The following HDAC9 variants were observed in gnomAD, a reference collection of about 807,000 sequenced individuals.
HDAC9 encodes MEF-2 interacting transcription repressor (MITR) protein.
HDAC9 carries 41 observed loss-of-function variants against 139.4 expected under a neutral mutation model. That is an observed-to-expected ratio of 0.29 (90% CI 0.23 to 0.38). The LOEUF (loss-of-function observed/expected upper bound fraction) is 0.38. Ranked by LOEUF, HDAC9 falls within the 10% of genes least tolerant of loss-of-function variation. The pLI, the probability that HDAC9 is intolerant of heterozygous loss-of-function variation, is 1.00. For synonymous variants in HDAC9, 517 were observed against 476.2 expected (o/e 1.09, Z -1.12); for missense variants, 1,147 against 1,297.0 (o/e 0.88, Z 1.78).
At chr7:18,962,128 A>C (rs1410128149) in intron 24 of HDAC9, among the ~76,000 whole-genome samples, 1 of 152,152 alleles carries the variant, frequency 6.6e-6, no homozygotes, top group African/African-American at 2.4e-5. Flanking sequence ...TAATCAGAAA[A>C]AAATGCAAGG....
intron 2 of HDAC9, among the ~76,000 whole-genome samples, chr7:18,252,258 A>T (rs527389546): frequency 6.6e-6 from 1 of 152,182 alleles, no homozygotes; most frequent in Non-Finnish European, 1.5e-5. Flanking sequence ...GCAGGAGTCA[A>T]TGTGGCCACT....
At chr7:18,875,878 T>G (rs963255069) in intron 22 of HDAC9, among the ~76,000 whole-genome samples, 6 of 152,186 alleles carry the variant, frequency 3.9e-5, no homozygotes, top group Admixed American at 3.9e-4. Context: ...AGTTTGTACA[T>G]CAAGTTGAGA....
At chr7:18,173,519 A>C (rs897829384) in intron 2 of HDAC9, among the ~76,000 whole-genome samples, 5 of 152,092 alleles carry the variant, frequency 3.3e-5, no homozygotes, top group Admixed American at 1.3e-4. Context: ...TTATTTTGCC[A>C]GTTAGTTGAT....
intron 6 of HDAC9, among the ~76,000 whole-genome samples, chr7:18,609,634 A>G (rs1288689666): frequency 2.0e-5 from 3 of 152,010 alleles, no homozygotes; most frequent in African/African-American, 7.2e-5. Context: ...TTAAATATAT[A>G]TATATTTTTA....
chr7:18,444,940 C>T (rs753740490), intron 1 of HDAC9, among the ~76,000 whole-genome samples: 1 of 152,140 alleles, frequency 6.6e-6, no homozygotes, highest in Non-Finnish European at 1.5e-5. Context: ...CATTTAGTGA[C>T]TAAATTTCCC....
At chr7:18,853,197 CAG>C (rs779995428) in intron 21 of HDAC9, among the ~76,000 whole-genome samples, 1 of 151,882 alleles carries the variant, frequency 6.6e-6, no homozygotes, top group Non-Finnish European at 1.5e-5. Flanking sequence ...TGAAATGAAA[CAG>C]AAAAAATACC....
chr7:18,189,057 A>G (rs1368909011), intron 2 of HDAC9, among the ~76,000 whole-genome samples: 1 of 152,212 alleles, frequency 6.6e-6, no homozygotes, highest in African/African-American at 2.4e-5. Context: ...TGTTTATTGC[A>G]GCACTATTTA....
chr7:18,741,082 G>T (rs959066955), intron 13 of HDAC9, among the ~76,000 whole-genome samples: 9 of 152,182 alleles, frequency 5.9e-5, no homozygotes, highest in African/African-American at 1.9e-4. Flanking sequence ...AAAGTGGAAG[G>T]TAAAGCAGCA....
At chr7:18,720,963 G>A (rs1284098708) in intron 12 of HDAC9, among the ~76,000 whole-genome samples, 1 of 152,022 alleles carries the variant, frequency 6.6e-6, no homozygotes, top group Non-Finnish European at 1.5e-5. Flanking sequence ...TATAGTGTGA[G>A]CCGCTGTGCC....
At chr7:18,569,323 T>G (rs1049284714) in intron 2 of HDAC9, among the ~76,000 whole-genome samples, 2 of 152,200 alleles carry the variant, frequency 1.3e-5, no homozygotes, top group African/African-American at 4.8e-5. Context: ...CTTTAAAAAA[T>G]TGTTTTCCCA....
At chr7:18,139,121 CT>C (rs552350047) in intron 1 of HDAC9, among the ~76,000 whole-genome samples, 13,657 of 105,590 alleles carry the variant, frequency 0.13, 234 homozygotes, top group South Asian at 0.21. Flanking sequence ...ATAATCTGGA[CT>C]TTTTTTTTTT....
chr7:18,664,377 GACTT>G (rs1794171474), intron 11 of HDAC9, among the ~76,000 whole-genome samples: 2 of 152,030 alleles, frequency 1.3e-5, no homozygotes, highest in African/African-American at 4.8e-5. Flanking sequence ...GATCTTGTCT[GACTT>G]ACTTTGGTGA....
At chr7:18,475,629 A>T (rs1481313431) in intron 1 of HDAC9, among the ~76,000 whole-genome samples, 1 of 152,190 alleles carries the variant, frequency 6.6e-6, no homozygotes, top group Non-Finnish European at 1.5e-5. Context: ...CAGCCCATGC[A>T]GCTGCATAAT....
intron 16 of HDAC9, among the ~76,000 whole-genome samples, chr7:18,787,275 C>T (rs1166477028): frequency 3.3e-5 from 5 of 152,122 alleles, no homozygotes; most frequent in African/African-American, 1.2e-4. Context: ...GGGTTCTACT[C>T]AATCTCACCG....
At chr7:18,881,423 G>A (rs572892929) in intron 22 of HDAC9, among the ~76,000 whole-genome samples, 3 of 152,126 alleles carry the variant, frequency 2.0e-5, no homozygotes, top group African/African-American at 7.2e-5. Context: ...GGTCATATAT[G>A]GGTATGTAGC....
At chr7:18,643,515 G>A (rs1426926968) in intron 8 of HDAC9, among the ~76,000 whole-genome samples, 4 of 152,130 alleles carry the variant, frequency 2.6e-5, no homozygotes, top group South Asian at 2.1e-4. Context: ...CCAAACAAAC[G>A]TATGATTGAG....
intron 12 of HDAC9, among the ~76,000 whole-genome samples, chr7:18,713,178 TA>T (rs928181706): frequency 7.0e-4 from 105 of 150,162 alleles, no homozygotes; most frequent in Admixed American, 2.5e-3. Context: ...ATGAGTGTCA[TA>T]AAAAAAAAAT....
intron 16 of HDAC9, among the ~76,000 whole-genome samples, chr7:18,776,232 T>C (rs1012529799): frequency 1.3e-5 from 2 of 152,024 alleles, no homozygotes; most frequent in African/African-American, 4.8e-5. Context: ...CCTGAACCAC[T>C]GTGCCTGGCA....
At chr7:18,835,338 G>A in intron 19 of HDAC9, 129 bp from the exon 20 acceptor site, 1 of 1,020,714 alleles carries the variant, frequency 9.8e-7, no homozygotes, top group Non-Finnish European at 1.4e-6. Flanking sequence ...AAAGAAAAGA[G>A]GAACGTAGTG....
Sources: allele counts gnomAD v4.1 joint callset (sites outside exome capture counted in the v4.1 genomes callset), GRCh38; gene constraint gnomAD v4.1.1; transcripts MANE v1.5; gene names NCBI Gene and HGNC (gene_info 2026-07-23, HGNC 2026-07-21).